Variants in PACS1 observed in about 807,000 individuals in gnomAD.
PACS1 encodes PACS-1.
In PACS1, 24 loss-of-function variants were observed where a neutral mutation model predicts 115.0. That is an observed-to-expected ratio of 0.21 (90% confidence interval 0.15 to 0.29). The LOEUF is 0.29. Among genes scored for constraint, PACS1 ranks in the 10% least tolerant of loss-of-function variants. The pLI is 1.00. For synonymous variants in PACS1, 453 were observed against 504.5 expected, an observed-to-expected ratio of 0.90 and a Z score of 1.37; for missense variants, 838 against 1,251.2, an observed-to-expected ratio of 0.67 and a Z score of 4.98.
At chr11:66,230,513 A>T in intron 11 of PACS1, 35 bp from the exon 12 acceptor site, 1 of 1,471,374 alleles carries the variant, frequency 6.8e-7, no homozygotes, top group Non-Finnish European at 9.5e-7. Context: ...ACTGAGTGGG[A>T]GGTCATCTTC....
intron 1 of PACS1, among the ~76,000 whole-genome samples, chr11:66,075,354 C>T (rs761045286): frequency 1.3e-4 from 20 of 152,188 alleles, no homozygotes; most frequent in Non-Finnish European, 2.5e-4. Context: ...ATTCCTCTCA[C>T]CTCAGCCTCC....
Position 66,168,752 on chromosome 11 carries a change from ATGTG to A in PACS1, c.357-24710_357-24707del, listed in dbSNP as rs34140940. Reference sequence around the variant, plus strand: ...TGCTTCCTAAATAGTATATATATATATGTGTGTGTGTGTGTGTGTGTGTGTGTAT... The same window carrying A: ...TGCTTCCTAAATAGTATATATATATATGTGTGTGTGTGTGTGTGTGTGTAT... On this transcript the variant is annotated intron_variant, in intron 1 of 23. Transcript: ENST00000320580. Among the ~76,000 whole-genome samples, 199 of 99,208 alleles carry A rather than the reference ATGTG, an allele frequency of 2.0e-3. 4 individuals are homozygous for A. The highest frequency in any genetic ancestry group is 3.9e-3 in the East Asian group (17 of 4,366). The allele number at this position is 99,208 out of a possible 152,430, so 65.1% of individuals were successfully genotyped here. A position where few individuals can be genotyped will look rare whatever the true frequency, so the allele number is the denominator to read the frequency against.
At position 66,243,021 on chromosome 11, in the gene PACS1, T is replaced by G. The variant is rs746020981; in HGVS notation, c.2766T>G (p.Thr922=). 7 of 1,613,436 alleles carry G rather than the reference T, an allele frequency of 4.3e-6. No individual in the cohort carries two copies. The East Asian group carries it at 1.6e-4, about 36-fold the overall frequency. The part of the protein sequence containing the change: ...RLICSAKQQQ[T]MLRVSIDGVE... ...TCTGCTCAGCCAAGCAGCAGCAGACTATGCTGAGAGGTGCGAGGGCAGGCA... is the reference window on the plus strand; with the variant it reads ...TCTGCTCAGCCAAGCAGCAGCAGACGATGCTGAGAGGTGCGAGGGCAGGCA... The change falls in exon 23 of 24, where the codon ACT becomes ACG. Residue 922 remains threonine, a synonymous_variant. Transcript: ENST00000320580.
At chr11:66,224,506 C>T (rs1183403532) in intron 10 of PACS1, among the ~76,000 whole-genome samples, 4 of 152,188 alleles carry the variant, frequency 2.6e-5, no homozygotes, top group African/African-American at 7.2e-5. Context: ...CATTGCTCAC[C>T]GACTACTATT....
intron 1 of PACS1, among the ~76,000 whole-genome samples, chr11:66,091,829 T>A (rs1172755145): frequency 6.6e-6 from 1 of 152,160 alleles, no homozygotes; most frequent in Admixed American, 6.5e-5. Context: ...ATTTCATCCA[T>A]GTCCCTACAA....
chr11:66,143,557 G>C (rs1269212949), intron 1 of PACS1, among the ~76,000 whole-genome samples: 1 of 152,172 alleles, frequency 6.6e-6, no homozygotes, highest in African/African-American at 2.4e-5. Context: ...AGGAAGAAAT[G>C]AATGGGAAAT....
Position 66,235,611 on chromosome 11 carries a change from T to C in PACS1, c.2207+208T>C. 1.7e-6 allele frequency: 1 copy of C among 599,202 alleles called. No individual in the cohort carries two copies. Among genetic ancestry groups the C allele is most frequent in the Middle Eastern group, 3.8e-4 (1 of 2,642 alleles). The allele number at this position is 599,202 out of a possible 1,614,324, so 37.1% of individuals were successfully genotyped here. A position where few individuals can be genotyped will look rare whatever the true frequency, so the allele number is the denominator to read the frequency against. ...CCCATAGGAGCCTGAGTTCATCAGT[T>C]TCCTTTCCTGCCCTTCAGTATAAAG... On this transcript the variant is annotated intron_variant, in intron 18 of 23. Coordinates refer to ENST00000320580, the MANE Select transcript of PACS1 (RefSeq NM_018026.4). This position sits in a 1 kb window ranked among gnomAD's most constrained non-coding sequence, Gnocchi z 5.6.
At chr11:66,125,578 T>C (rs1379773637) in intron 1 of PACS1, among the ~76,000 whole-genome samples, 2 of 152,204 alleles carry the variant, frequency 1.3e-5, no homozygotes, top group Non-Finnish European at 2.9e-5. Context: ...TAATTCAAAG[T>C]GTATGAAAAT....
intron 1 of PACS1, among the ~76,000 whole-genome samples, chr11:66,129,560 C>T (rs1264865750): frequency 6.6e-6 from 1 of 151,856 alleles, no homozygotes; most frequent in Non-Finnish European, 1.5e-5. Flanking sequence ...GATCCACCCT[C>T]AGCCTCCCAA....
intron 1 of PACS1, chr11:66,121,135 A>G: frequency 2.2e-6 from 1 of 450,798 alleles, no homozygotes; most frequent in South Asian, 1.6e-5. Flanking sequence ...ACATTTTGGT[A>G]ATTCTTGCAG....
intron 21 of PACS1, chr11:66,240,886 C>G (rs1855798779): frequency 6.6e-6 from 1 of 152,386 alleles, no homozygotes; most frequent in African/African-American, 2.4e-5. Flanking sequence ...CAAGACATAC[C>G]AGCCCTTCTC....
At chr11:66,186,947 T>C (rs1002475850) in intron 1 of PACS1, among the ~76,000 whole-genome samples, 3 of 152,238 alleles carry the variant, frequency 2.0e-5, no homozygotes, top group African/African-American at 4.8e-5. Flanking sequence ...CATCACCACA[T>C]GTTGGTCTTA....
Position 66,232,262 on chromosome 11 carries a change from G to A in PACS1, c.1717G>A (p.Asp573Asn). The change falls in exon 14 of 24, where the codon GAC becomes AAC. Residue 573 changes from aspartate (D) to asparagine (N), a missense_variant. Physicochemically the swap from Asp to Asn is conservative, Grantham distance 23. Around this residue, in one of 6 missense-constraint regions of PACS1, gnomAD observed 383 missense variants for 537.0 expected, o/e 0.71. Coordinates refer to ENST00000320580, the MANE Select transcript of PACS1 (RefSeq NM_018026.4). Reference sequence around the variant, plus strand: ...AAATGTCATTCTGGTGAACACCACTGACTGGCAGGGCCAGGTAAGTGCTGA... The same window carrying A: ...AAATGTCATTCTGGTGAACACCACTAACTGGCAGGGCCAGGTAAGTGCTGA... ...PENVILVNTT[D>N]WQGQYVAELL... 6.2e-7 allele frequency: 1 copy of A among 1,607,642 alleles called. No homozygotes were observed. Among genetic ancestry groups the A allele is most frequent in the Non-Finnish European group, 8.5e-7 (1 of 1,174,090 alleles).
At chr11:66,111,847 T>C (rs1858193971) in intron 1 of PACS1, among the ~76,000 whole-genome samples, 1 of 152,172 alleles carries the variant, frequency 6.6e-6, no homozygotes, top group Non-Finnish European at 1.5e-5. Flanking sequence ...GGTTTCACCA[T>C]GTTGGCCAGG....
chr11:66,073,434 G>A (rs1857344044), intron 1 of PACS1, among the ~76,000 whole-genome samples: 1 of 152,206 alleles, frequency 6.6e-6, no homozygotes, highest in Admixed American at 6.5e-5. Context: ...GGTTAGGTGT[G>A]CATAAGAATG....
intron 1 of PACS1, among the ~76,000 whole-genome samples, chr11:66,176,675 A>G (rs989672249): frequency 1.3e-5 from 2 of 152,104 alleles, no homozygotes; most frequent in Admixed American, 6.6e-5. Context: ...CCGCCTCCCA[A>G]AATGCTGGGA....
In PACS1 at chr11:66,235,475, T is replaced by C; in HGVS notation, c.2207+72T>C. On this transcript the variant is annotated intron_variant, in intron 18 of 23. Transcript: ENST00000320580. The surrounding 1 kb of genome is among the most constrained non-coding windows in gnomAD (Gnocchi z 5.6). ...AGAGGAATCTTGAGTCTTCCTTGCT[T>C]TCTCACATTTTCCTTCTCCACATGC... The C allele has an allele frequency of 9.1e-7, 1 of 1,098,694 alleles. No homozygotes were observed. Among genetic ancestry groups the C allele is most frequent in the Non-Finnish European group, 1.4e-6 (1 of 725,940 alleles). The allele number at this position is 1,098,694 out of a possible 1,614,324, so 68.1% of individuals were successfully genotyped here.
chr11:66,121,056 A>C (rs777646085), intron 1 of PACS1: 17 of 456,044 alleles, frequency 3.7e-5, no homozygotes, highest in Non-Finnish European at 7.5e-5. Flanking sequence ...ATTTGTGGCA[A>C]CCCTACGTTG....
chr11:66,118,523 G>C (rs1281394745), intron 1 of PACS1, among the ~76,000 whole-genome samples: 1 of 152,038 alleles, frequency 6.6e-6, no homozygotes, highest in Non-Finnish European at 1.5e-5. Flanking sequence ...GAGGTGGGAG[G>C]ATCACTTGAG....
Sources: allele counts gnomAD v4.1 joint callset (sites outside exome capture counted in the v4.1 genomes callset), GRCh38; gene constraint gnomAD v4.1.1; regional missense constraint gnomAD v4.1.1; non-coding constraint Gnocchi (gnomAD v3.1); transcripts MANE v1.5; gene names NCBI Gene and HGNC (gene_info 2026-07-23, HGNC 2026-07-21).